Variants in SMTNL1 observed in about 807,000 individuals in gnomAD.
SMTNL1 encodes smoothelin like 1, also known as smoothelin-like protein 1.
In SMTNL1, 41 loss-of-function variants were observed where a neutral mutation model predicts 46.6. The ratio of observed to expected loss-of-function variants is 0.88; its 90% CI spans 0.69 to 1.14. SMTNL1 has a LOEUF of 1.14. SMTNL1 is among the 50% of genes most tolerant of loss of function. The probability of loss-of-function intolerance (pLI) is 0.00; values close to 1 mark genes in which losing one functional copy is unlikely to be tolerated. For missense variants in SMTNL1, 591 were observed against 626.1 expected (o/e 0.94, Z 0.60); for synonymous variants, 234 against 234.2 (o/e 1.00, Z 0.01).
intron 1 of SMTNL1, among the ~76,000 whole-genome samples, chr11:57,540,440 G>C (rs921882192): frequency 6.6e-6 from 1 of 152,110 alleles, no homozygotes; most frequent in African/African-American, 2.4e-5. Flanking sequence ...AGGCTTTTTT[G>C]TGGAGCAACC....
At chr11:57,548,372 T>C (rs751273639) in intron 7 of SMTNL1, among the ~76,000 whole-genome samples, 12 of 152,096 alleles carry the variant, frequency 7.9e-5, no homozygotes, top group Non-Finnish European at 1.5e-4. Context: ...CTGAGCACCC[T>C]ATTAAAAAAT....
intron 4 of SMTNL1, among the ~76,000 whole-genome samples, chr11:57,544,399 C>T (rs973970831): frequency 1.3e-5 from 2 of 152,214 alleles, no homozygotes; most frequent in East Asian, 3.9e-4. Flanking sequence ...ACAACAGCAA[C>T]AACAAAAAAC....
At position 57,543,663 on chromosome 11, in the gene SMTNL1, GAA is replaced by G. The variant is rs1202995866; in HGVS notation, c.776_777del (p.Lys259ArgfsTer18). On this transcript the variant is annotated frameshift_variant, in exon 3 of 8. Transcript: ENST00000527972. LOFTEE classifies it high-confidence loss of function. ...SPSEEQEQDV[E>X]KEPEGGAGVI... ...CAGCGAAGAGCAGGAGCAGGACGTGGAAAAAGAGCCAGAGGGAGGGGCAGGGG... is the reference window on the plus strand; with the variant it reads ...CAGCGAAGAGCAGGAGCAGGACGTGGAAAGAGCCAGAGGGAGGGGCAGGGG... 6.2e-7 allele frequency: 1 copy of G among 1,605,638 alleles called. No individual in the cohort carries two copies. The highest frequency in any genetic ancestry group is 8.5e-7 in the Non-Finnish European group (1 of 1,176,634).
At position 57,543,639 on chromosome 11, in the gene SMTNL1, A is replaced by T; in HGVS notation, c.748A>T (p.Ser250Cys). ...DAEEAEPGSP[S>C]EEQEQDVEKE... ...CTCATTCCAGGAGCCAGGCAGTCCC[A>T]GCGAAGAGCAGGAGCAGGACGTGGA... is the stretch of plus-strand genomic sequence containing the variant. Residue 250 changes from serine to cysteine, a missense_variant, in exon 3 of 8, where the codon AGC becomes TGC. Physicochemically the swap from Ser to Cys is moderately radical, Grantham distance 112. Transcript: ENST00000527972. The T allele has an allele frequency of 6.2e-7, 1 of 1,607,662 alleles. No homozygotes were observed. Among genetic ancestry groups the T allele is most frequent in the Non-Finnish European group, 8.5e-7 (1 of 1,177,486 alleles).
chr11:57,543,476 G>A, intron 2 of SMTNL1, 102 bp downstream of exon 2: 1 of 1,526,832 alleles, frequency 6.5e-7, no homozygotes, highest in Non-Finnish European at 8.8e-7. Context: ...TTTTCCTCCT[G>A]ATGATTTCCA....
Position 57,538,931 on chromosome 11 carries a change from A to G in SMTNL1, c.-3+1289A>G, listed in dbSNP as rs575896788. On this transcript the variant is annotated intron_variant, in intron 1 of 7. Transcript: ENST00000527972. ...CATCTTCACTCCTTTTCTATTTGTGACAAGCCTGGAGGGTGGAAAGCTGAG... is the reference window on the plus strand; with the variant it reads ...CATCTTCACTCCTTTTCTATTTGTGGCAAGCCTGGAGGGTGGAAAGCTGAG... 2.0e-5 allele frequency among the ~76,000 whole-genome samples: 3 copies of G among 152,246 alleles called. No individual in the cohort carries two copies. In the South Asian group the frequency reaches 6.2e-4, roughly 32 times the overall value.
chr11:57,537,936 G>A (rs1222403586), intron 1 of SMTNL1, among the ~76,000 whole-genome samples: 1 of 152,190 alleles, frequency 6.6e-6, no homozygotes, highest in Non-Finnish European at 1.5e-5. Flanking sequence ...GACTGTCTAA[G>A]CCAAGCCTGT....
rs745542427 is a variant in SMTNL1 at position 57,543,331 on chromosome 11, A to G, written c.689A>G (p.Glu230Gly). 7 of 1,613,986 alleles carry G rather than the reference A, an allele frequency of 4.3e-6. No individual in the cohort carries two copies. The highest frequency in any genetic ancestry group is 5.9e-6 in the Non-Finnish European group (7 of 1,179,874). The change falls in exon 2 of 8, where the codon GAG becomes GGG. Residue 230 changes from glutamate to glycine, a missense_variant. Coordinates refer to ENST00000527972, the MANE Select transcript of SMTNL1 (RefSeq NM_001105565.3). ...GAGGAGGCCAAACATGGTGCAAAAG[A>G]GGAGGCTGATGCAAAAGAGGAGGCG... is the stretch of plus-strand genomic sequence containing the variant. Reference protein sequence around the residue: ...GKEEAKHGAKEEADAKEEAED... With the variant: ...GKEEAKHGAKGEADAKEEAED...
intron 4 of SMTNL1, 90 bp downstream of exon 4, chr11:57,544,010 G>A (rs2135263928): frequency 7.6e-7 from 1 of 1,308,706 alleles, no homozygotes; most frequent in Non-Finnish European, 1.1e-6. Context: ...GGTTCCCCCA[G>A]CACCTGATTT....
At chr11:57,546,402 T>C (rs1944924051) in intron 6 of SMTNL1, 55 bp downstream of exon 6, 5 of 709,814 alleles carry the variant, frequency 7.0e-6, no homozygotes, top group Non-Finnish European at 9.8e-6. Flanking sequence ...AGGGTCCAAG[T>C]GGTGCAAACC....
intron 1 of SMTNL1, among the ~76,000 whole-genome samples, chr11:57,542,104 CAAAA>C (rs57091714): frequency 0.39 from 53,892 of 138,288 alleles, 10,886 homozygotes; most frequent in East Asian, 0.63. Flanking sequence ...CCCATCTCTA[CAAAA>C]AAAAAACACA....
rs565524565 is a variant in SMTNL1 at position 57,540,419 on chromosome 11, G to T, written c.-2-2222G>T. 3.9e-5 allele frequency among the ~76,000 whole-genome samples: 6 copies of T among 152,264 alleles called. No homozygotes were observed. The East Asian group carries it at 1.2e-3, about 29-fold the overall frequency. ...TGGCTGAAACTGTATATCTCTAAGA[G>T]GGTAAAGAGTAGGCTTTTTTGTGGA... is the stretch of plus-strand genomic sequence containing the variant. On this transcript the variant is annotated intron_variant, in intron 1 of 7. Transcript: ENST00000527972.
chr11:57,538,191 G>C lies in SMTNL1; in HGVS notation c.-3+549G>C, dbSNP rs567310809. Among the ~76,000 whole-genome samples, 16 of 152,256 alleles carry C rather than the reference G, an allele frequency of 1.1e-4. No individual in the cohort carries two copies. The South Asian group carries it at 1.4e-3, about 14-fold the overall frequency. On this transcript the variant is annotated intron_variant, in intron 1 of 7. Transcript: ENST00000527972. ...AAGCAATTGAGGTCGGCCTCTCCAA[G>C]GGAGGGCCCCTGGCTGAGTGGGGAA... is the stretch of plus-strand genomic sequence containing the variant.
intron 1 of SMTNL1, among the ~76,000 whole-genome samples, chr11:57,540,511 C>A (rs1484510437): frequency 3.3e-5 from 5 of 152,104 alleles, no homozygotes; most frequent in Non-Finnish European, 7.4e-5. Flanking sequence ...TCACGGGAGA[C>A]CCTAGTTTTC....
chr11:57,539,758 G>T (rs1478917400), intron 1 of SMTNL1, among the ~76,000 whole-genome samples: 1 of 152,200 alleles, frequency 6.6e-6, no homozygotes, highest in Non-Finnish European at 1.5e-5. Flanking sequence ...CCACAGGCAT[G>T]TGCCGCCACG....
intron 7 of SMTNL1, among the ~76,000 whole-genome samples, chr11:57,547,214 A>G (rs1944929241): frequency 6.6e-6 from 1 of 152,236 alleles, no homozygotes; most frequent in African/African-American, 2.4e-5. Context: ...TCAGAAGGGC[A>G]AGCAGCTCTG....
chr11:57,546,021 TG>T lies in SMTNL1; in HGVS notation c.1060del (p.Asp354ThrfsTer38), dbSNP rs1944919832. ...GPRAQNRKAI[V>X]DKFGGAASGP... Reference sequence around the variant, plus strand: ...CGGGCACAGAACCGCAAAGCCATCGTGGACAAGTTTGGCGGGTAGGACACAG... The same window carrying T: ...CGGGCACAGAACCGCAAAGCCATCGTGACAAGTTTGGCGGGTAGGACACAG... On this transcript the variant is annotated frameshift_variant, in exon 5 of 8. Transcript: ENST00000527972. LOFTEE classifies it high-confidence loss of function. The T allele has an allele frequency of 6.3e-7, 1 of 1,589,044 alleles. No individual in the cohort carries two copies. The highest frequency in any genetic ancestry group is 2.2e-5 in the East Asian group (1 of 44,670).
At chr11:57,543,505 G>A in intron 2 of SMTNL1, 119 bp from the exon 3 acceptor site, 20 of 1,515,246 alleles carry the variant, frequency 1.3e-5, no homozygotes, top group Non-Finnish European at 1.6e-5. Context: ...GGTGGGGGAG[G>A]GGGGACAAGG....
intron 7 of SMTNL1, among the ~76,000 whole-genome samples, chr11:57,548,338 AT>A (rs1380531651): frequency 1.3e-5 from 2 of 152,112 alleles, no homozygotes; most frequent in African/African-American, 4.8e-5. Context: ...AGATGTGCAC[AT>A]GACTTACTCT....
Sources: allele counts gnomAD v4.1 joint callset (sites outside exome capture counted in the v4.1 genomes callset), GRCh38; gene constraint gnomAD v4.1.1; transcripts MANE v1.5; gene names NCBI Gene and HGNC (gene_info 2026-07-23, HGNC 2026-07-21).